PAX6: variants seen among roughly 807,000 people sequenced by gnomAD.
PAX6 encodes the protein paired box protein Pax-6.
A neutral mutation model predicts 60.7 loss-of-function variants in PAX6; 7 were observed. That is an observed-to-expected ratio of 0.12 (90% CI 0.07 to 0.22). The LOEUF is 0.22. Ranked by LOEUF, PAX6 falls within the 10% of genes least tolerant of loss-of-function variation. The pLI, the probability that PAX6 is intolerant of heterozygous loss-of-function variation, is 1.00. For synonymous variants in PAX6, 208 were observed against 201.2 expected (o/e 1.03, Z -0.29); for missense variants, 355 against 555.2 (o/e 0.64, Z 3.62).
chr11:31,810,861 T>A lies in PAX6; in HGVS notation c.-162A>T, dbSNP rs1956928180. 3 of 399,150 alleles carry A rather than the reference T, an allele frequency of 7.5e-6. No individual in the cohort carries two copies. The highest frequency in any genetic ancestry group is 1.3e-5 in the Non-Finnish European group (3 of 226,100). The allele number at this position is 399,150 out of a possible 1,614,324, so 24.7% of individuals were successfully genotyped here. The stretch of plus-strand genomic sequence containing the variant: ...GGCATCCTTTCTGGTTGTCACAGCT[T>A]CTGTCAAGAGTTTTGTTTGGTTGGG... On this transcript the variant is annotated 5_prime_UTR_variant, in exon 2 of 14. Transcript: ENST00000640368.
rs112714525 is a variant in PAX6 at position 31,801,454 on chromosome 11, G to C, written c.399+107C>G. ...TACAAAGGAGACAAATGTGGAGCAG[G>C]GAGAGGACACAGACTAAGAGACAGT... On this transcript the variant is annotated intron_variant, in intron 7 of 13. Transcript: ENST00000640368. The C allele has an allele frequency of 1.7e-3, 2,702 of 1,588,304 alleles. 5 individuals are homozygous for C. The highest frequency in any genetic ancestry group is 2.1e-3 in the South Asian group (187 of 87,976).
upstream of PAX6, chr11:31,813,249 G>A (rs568340140): frequency 6.6e-6 from 1 of 152,236 alleles, no homozygotes; most frequent in Non-Finnish European, 1.5e-5. Context: ...ATGCCGGCAA[G>A]TGGGGCCGCG....
chr11:31,790,281 G>GA (rs989010933), intron 13 of PAX6: 1 of 555,068 alleles, frequency 1.8e-6, no homozygotes, highest in Admixed American at 3.9e-5. Flanking sequence ...TCCTCTGTTT[G>GA]TTTGCATGTT....
intron 7 of PAX6, 22 bp from the exon 8 acceptor site, chr11:31,800,878 A>G: frequency 4.3e-6 from 7 of 1,613,200 alleles, no homozygotes; most frequent in Non-Finnish European, 5.9e-6. Flanking sequence ...ACCAAAATCA[A>G]ACCAAATGGT....
At chr11:31,817,649 C>A (rs1037160176) in intron 1 of PAX6, among the ~76,000 whole-genome samples, 5 of 152,240 alleles carry the variant, frequency 3.3e-5, no homozygotes, top group Admixed American at 6.5e-5. Flanking sequence ...CCTATCCCTC[C>A]CTCAGTAACT....
In PAX6 at chr11:31,806,645, C is replaced by G. The variant is rs141531292; in HGVS notation, c.-51-183G>C. 1,846 of 574,534 alleles carry G rather than the reference C, an allele frequency of 3.2e-3. 11 individuals carry two copies. The highest frequency in any genetic ancestry group is 4.8e-3 in the Non-Finnish European group (1,529 of 320,794). 35.6% of individuals were successfully genotyped at this position (574,534 alleles called of 1,614,324 possible). ...GCCCTGCAGTGCATACAAAATCTAC[C>G]CTTTGGGGCTTGAAACAAAGTACTG... is the stretch of plus-strand genomic sequence containing the variant. On this transcript the variant is annotated intron_variant, in intron 3 of 13. Transcript: ENST00000640368.
chr11:31,801,245 G>A, intron 7 of PAX6: 1 of 1,368,924 alleles, frequency 7.3e-7, no homozygotes, highest in East Asian at 3.0e-5. Context: ...GGAAAGTTCT[G>A]GCAGGTGGAT....
At chr11:31,795,285 A>C (rs1156313262) in intron 8 of PAX6, among the ~76,000 whole-genome samples, 1 of 152,228 alleles carries the variant, frequency 6.6e-6, no homozygotes, top group African/African-American at 2.4e-5. Context: ...AAAAATATTT[A>C]TCTAGTTTTT....
intron 8 of PAX6, among the ~76,000 whole-genome samples, chr11:31,797,626 A>G (rs628224): frequency 0.88 from 133,555 of 152,098 alleles, 58,969 homozygotes; most frequent in African/African-American, 0.97. Flanking sequence ...GAGACAGTTC[A>G]TTACTTTAGA....
intron 4 of PAX6, chr11:31,803,093 C>T: frequency 2.2e-6 from 1 of 457,190 alleles, no homozygotes; most frequent in Non-Finnish European, 3.8e-6. Flanking sequence ...CCATGCCAGA[C>T]ATCGGGCAGC....
At chr11:31,803,365 G>A (rs558385604) in intron 4 of PAX6, 1 of 176,770 alleles carries the variant, frequency 5.7e-6, no homozygotes, top group African/African-American at 2.3e-5. Flanking sequence ...GAACCTTCAA[G>A]GTCTCTGCAG....
upstream of PAX6, among the ~76,000 whole-genome samples, chr11:31,813,396 G>C (rs557488322): frequency 5.7e-5 from 6 of 105,048 alleles, no homozygotes; most frequent in East Asian, 1.4e-3. Context: ...GGGCGGGGGG[G>C]GGGGAAGTGA....
chr11:31,793,947 A>G, intron 10 of PAX6, 85 bp downstream of exon 10: 1 of 1,254,312 alleles, frequency 8.0e-7, no homozygotes, highest in Non-Finnish European at 1.2e-6. Context: ...CTATAAATAA[A>G]TAGTACTCTG....
At chr11:31,811,391 G>T, upstream of PAX6, 1 of 397,822 alleles carries the variant, frequency 2.5e-6, no homozygotes, top group Non-Finnish European at 4.4e-6. Flanking sequence ...CGCGCCAGCC[G>T]ATTGGATGCT....
chr11:31,806,557 T>G (rs1639550346), intron 3 of PAX6, 95 bp from the exon 4 acceptor site: 1 of 952,246 alleles, frequency 1.1e-6, no homozygotes, highest in African/African-American at 1.6e-5. Context: ...GACAGGAGAA[T>G]CTCCGTTCTT....
rs1592346285 is a variant in PAX6 at position 31,789,815 on chromosome 11, A to C, written c.*119T>G. On this transcript the variant is annotated 3_prime_UTR_variant, in exon 14 of 14. Transcript: ENST00000640368. ...GTACAATACAGGACACAATTGTAGA[A>C]CTGAAGCGGCTCTAACAGCCATTTT... 1 of 891,090 alleles carries C rather than the reference A, an allele frequency of 1.1e-6. No individual in the cohort carries two copies. The allele number at this position is 891,090 out of a possible 1,614,324, so 55.2% of individuals were successfully genotyped here.
chr11:31,806,958 C>T (rs1275885332), intron 2 of PAX6, 33 bp from the exon 3 acceptor site: 5 of 153,350 alleles, frequency 3.3e-5, no homozygotes, highest in Non-Finnish European at 5.8e-5. Flanking sequence ...AAAGGTATAT[C>T]AAGCTGTGGT....
At chr11:31,816,305 T>C (rs868684962), upstream of PAX6, 2 of 471,718 alleles carry the variant, frequency 4.2e-6, no homozygotes, top group South Asian at 3.6e-5. Context: ...CCAAATTCTA[T>C]GAGAGGGTCT....
chr11:31,807,631 C>T (rs942412659), intron 2 of PAX6: 2 of 152,334 alleles, frequency 1.3e-5, no homozygotes, highest in Middle Eastern at 3.4e-3. Flanking sequence ...ACCCTGTCTA[C>T]CTCGCCTCAC....
Sources: allele counts gnomAD v4.1 joint callset (sites outside exome capture counted in the v4.1 genomes callset), GRCh38; gene constraint gnomAD v4.1.1; transcripts MANE v1.5; gene names NCBI Gene and HGNC (gene_info 2026-07-23, HGNC 2026-07-21).